CAGE1: variants seen among roughly 807,000 people sequenced by gnomAD.
The protein encoded by CAGE1 is cancer antigen 1.
Under a neutral mutation model 94.9 loss-of-function variants are expected in CAGE1, and 66 were observed. The ratio of observed to expected loss-of-function variants is 0.70; its 90% CI spans 0.57 to 0.85. The LOEUF (loss-of-function observed/expected upper bound fraction) is 0.85. Among genes scored for constraint, CAGE1 ranks in the 40% least tolerant of loss-of-function variants. The pLI is 0.00. For synonymous variants in CAGE1, 319 were observed against 321.0 expected (o/e 0.99, Z 0.07); for missense variants, 865 against 950.4 (o/e 0.91, Z 1.18).
chr6:7,339,394 G>C lies in CAGE1; in HGVS notation c.2370-5304C>G. Reference sequence around the variant, plus strand: ...CGAATCCGCCGGCCCTTCTCACCAAGAACATTCTGTGTTCTGGTGGCTAAG... The same window carrying C: ...CGAATCCGCCGGCCCTTCTCACCAACAACATTCTGTGTTCTGGTGGCTAAG... On this transcript the variant is annotated intron_variant, in intron 11 of 13. Transcript: ENST00000502583. This position sits in a 1 kb window ranked among gnomAD's most constrained non-coding sequence, Gnocchi z 4.7. 6.3e-7 allele frequency: 1 copy of C among 1,599,722 alleles called. No homozygotes were observed. Among genetic ancestry groups the C allele is most frequent in the Non-Finnish European group, 8.6e-7 (1 of 1,167,902 alleles).
chr6:7,358,029 T>G (rs1355785288), intron 9 of CAGE1, among the ~76,000 whole-genome samples: 40 of 13,562 alleles, frequency 2.9e-3, no homozygotes, highest in South Asian at 0.017. Context: ...AGTTTTGAGA[T>G]ATATATATAT....
chr6:7,345,767 CAAAA>C (rs372068849), intron 11 of CAGE1, among the ~76,000 whole-genome samples: 3,823 of 151,542 alleles, frequency 0.025, 85 homozygotes, highest in Non-Finnish European at 0.039. Context: ...ACTAAAAATA[CAAAA>C]AAAATTAGCT....
At chr6:7,388,887 C>T (rs1761233024) in intron 1 of CAGE1, among the ~76,000 whole-genome samples, 1 of 152,146 alleles carries the variant, frequency 6.6e-6, no homozygotes, top group South Asian at 2.1e-4. Context: ...AGCGCAAAGG[C>T]CTTGTTTCTT....
At chr6:7,354,822 A>T (rs1311417188) in intron 11 of CAGE1, among the ~76,000 whole-genome samples, 1 of 152,174 alleles carries the variant, frequency 6.6e-6, no homozygotes, top group Non-Finnish European at 1.5e-5. Flanking sequence ...CCTTTAAATC[A>T]AAGGGAGCTC....
intron 11 of CAGE1, among the ~76,000 whole-genome samples, chr6:7,350,348 T>C (rs1759727343): frequency 6.6e-6 from 1 of 152,170 alleles, no homozygotes; most frequent in Non-Finnish European, 1.5e-5. Flanking sequence ...ACTAGACAGG[T>C]CATCAGGACA....
intron 12 of CAGE1, among the ~76,000 whole-genome samples, chr6:7,332,916 G>A (rs1256264566): frequency 6.6e-6 from 1 of 152,134 alleles, no homozygotes; most frequent in Non-Finnish European, 1.5e-5. Context: ...GGGCTAGAAA[G>A]AGTCTCATTT....
At chr6:7,383,698 G>A (rs1332235171) in intron 3 of CAGE1, among the ~76,000 whole-genome samples, 1 of 152,108 alleles carries the variant, frequency 6.6e-6, no homozygotes, top group Non-Finnish European at 1.5e-5. Flanking sequence ...GAATGGGGAT[G>A]TTAGGATTAA....
At chr6:7,364,754 C>T (rs1306295736) in intron 9 of CAGE1, among the ~76,000 whole-genome samples, 1 of 151,974 alleles carries the variant, frequency 6.6e-6, no homozygotes, top group Non-Finnish European at 1.5e-5. Flanking sequence ...AGGCATGAGC[C>T]ACCGCGCCTG....
intron 12 of CAGE1, among the ~76,000 whole-genome samples, chr6:7,333,793 C>T (rs538593174): frequency 0.14 from 20,630 of 150,662 alleles, 1,735 homozygotes; most frequent in African/African-American, 0.25. Flanking sequence ...CTCAGCCCCC[C>T]AGTAGCTGGG....
At chr6:7,342,127 G>C in intron 11 of CAGE1, 1 of 1,010,588 alleles carries the variant, frequency 9.9e-7, no homozygotes. Flanking sequence ...GATGAAGGCA[G>C]CTTCACAATC....
intron 11 of CAGE1, among the ~76,000 whole-genome samples, chr6:7,350,232 A>T (rs1759722916): frequency 6.6e-6 from 1 of 152,206 alleles, no homozygotes; most frequent in Non-Finnish European, 1.5e-5. Context: ...TATGCACCTA[A>T]CACTGGAGCT....
At position 7,357,779 on chromosome 6, in the gene CAGE1, T is replaced by A. The variant is rs183200377; in HGVS notation, c.2194-1650A>T. Among the ~76,000 whole-genome samples the A allele has an allele frequency of 3.1e-3, 466 of 151,670 alleles. 1 individual carries two copies. Among genetic ancestry groups the A allele is most frequent in the South Asian group, 6.1e-3 (29 of 4,790 alleles). Reference sequence around the variant, plus strand: ...TGTATGGTTTGGTAAATTTTTGTTGTTGTTGTTTGTTTTTATATTTGTTTT... The same window carrying A: ...TGTATGGTTTGGTAAATTTTTGTTGATGTTGTTTGTTTTTATATTTGTTTT... On this transcript the variant is annotated intron_variant, in intron 9 of 13. Coordinates refer to ENST00000502583, the MANE Select transcript of CAGE1 (RefSeq NM_001170692.2).
At chr6:7,369,157 G>A (rs1475121087) in intron 6 of CAGE1, among the ~76,000 whole-genome samples, 1 of 151,788 alleles carries the variant, frequency 6.6e-6, no homozygotes, top group South Asian at 2.1e-4. Context: ...ATAGGCACCC[G>A]CCACCATGCC....
intron 11 of CAGE1, among the ~76,000 whole-genome samples, chr6:7,345,038 A>G (rs1476468104): frequency 6.6e-6 from 1 of 152,228 alleles, no homozygotes; most frequent in Admixed American, 6.5e-5. Flanking sequence ...AGGGTGCCCA[A>G]GCCAGCAGCG....
rs530594125 is a variant in CAGE1, at chr6:7,347,379, T to A, written c.2369+7662A>T. Reference sequence around the variant, plus strand: ...AGAAGTTTCCGACCTTACCTGGAGCTGAGTCAATTTAGAGAGCCAAGCGAA... The same window carrying A: ...AGAAGTTTCCGACCTTACCTGGAGCAGAGTCAATTTAGAGAGCCAAGCGAA... On this transcript the variant is annotated intron_variant, in intron 11 of 13. Transcript: ENST00000502583. The A allele has an allele frequency of 7.1e-4, 108 of 152,016 alleles. 3 individuals are homozygous for A. Among genetic ancestry groups the A allele is most frequent in the African/African-American group, 2.5e-3 (104 of 41,480 alleles). 9.4% of individuals were successfully genotyped at this position (152,016 alleles called of 1,614,324 possible). A position where few individuals can be genotyped will look rare whatever the true frequency, so the allele number is the denominator to read the frequency against.
At chr6:7,358,029 T>TATAGATATAG (rs1554138213) in intron 9 of CAGE1, among the ~76,000 whole-genome samples, 2 of 13,566 alleles carry the variant, frequency 1.5e-4, no homozygotes, top group African/African-American at 6.6e-4. Context: ...AGTTTTGAGA[T>TATAGATATAG]ATATATATAT....
intron 11 of CAGE1, among the ~76,000 whole-genome samples, chr6:7,344,880 C>T (rs9767770): frequency 2.0e-5 from 3 of 151,930 alleles, no homozygotes; most frequent in Non-Finnish European, 4.4e-5. Flanking sequence ...TGTCGACACT[C>T]TGTATCTAGC....
intron 3 of CAGE1, among the ~76,000 whole-genome samples, chr6:7,385,035 C>T (rs899542924): frequency 3.3e-5 from 5 of 151,228 alleles, no homozygotes; most frequent in South Asian, 2.1e-4. Flanking sequence ...GATGGAGTTT[C>T]GCTCTTGTTG....
At chr6:7,352,595 T>G (rs1037885074) in intron 11 of CAGE1, among the ~76,000 whole-genome samples, 1 of 152,128 alleles carries the variant, frequency 6.6e-6, no homozygotes, top group Non-Finnish European at 1.5e-5. Flanking sequence ...AAAGCAAGAC[T>G]AAGCAAAAAG....
Sources: gnomAD v4.1 joint callset for allele counts (sites outside exome capture counted in the v4.1 genomes callset) on GRCh38, gnomAD v4.1.1 for gene constraint, Gnocchi (gnomAD v3.1) non-coding constraint, MANE v1.5 for transcripts, NCBI Gene and HGNC (gene_info 2026-07-23, HGNC 2026-07-21) for gene names.